The following POLN variants were observed in gnomAD, a reference collection of about 807,000 sequenced individuals.
The protein encoded by POLN is DNA polymerase N.
POLN carries 108 observed loss-of-function variants against 113.5 expected under a neutral mutation model. The observed-to-expected ratio is 0.95, with a 90% confidence interval of 0.81 to 1.12. The LOEUF (loss-of-function observed/expected upper bound fraction) is 1.12, where lower values mean the gene tolerates loss of function less well. Ranked by LOEUF, POLN falls within the 50% of genes most tolerant of loss-of-function variation. The pLI, the probability that POLN is intolerant of heterozygous loss-of-function variation, is 0.00. For synonymous variants in POLN, 386 were observed against 391.5 expected, an observed-to-expected ratio of 0.99 and a Z score of 0.17; for missense variants, 1,097 against 1,077.1, an observed-to-expected ratio of 1.02 and a Z score of -0.26.
At chr4:2,080,657 G>C in intron 23 of POLN, 1 of 1,305,166 alleles carries the variant, frequency 7.7e-7, no homozygotes, top group Non-Finnish European at 9.8e-7. Context: ...CTGCCTCTGG[G>C]GTGGGCAGCC....
At chr4:2,152,586 G>A in intron 16 of POLN, among the ~76,000 whole-genome samples, 1 of 150,446 alleles carries the variant, frequency 6.6e-6, no homozygotes. Context: ...TGTATTTTGT[G>A]CACTTTAAGC....
chr4:2,165,028 C>A (rs1017942318), intron 13 of POLN, among the ~76,000 whole-genome samples: 20 of 151,958 alleles, frequency 1.3e-4, no homozygotes, highest in African/African-American at 4.6e-4. Context: ...CGGTTTCTTA[C>A]AAAACTAAAT....
intron 7 of POLN, among the ~76,000 whole-genome samples, chr4:2,183,181 G>A (rs7666048): frequency 0.25 from 37,511 of 152,082 alleles, 7,143 homozygotes; most frequent in African/African-American, 0.52. Context: ...ATGTGGGGAA[G>A]TTACAGTGCT....
intron 5 of POLN, among the ~76,000 whole-genome samples, chr4:2,204,158 T>C (rs2108762259): frequency 6.8e-6 from 1 of 147,640 alleles, no homozygotes; most frequent in Admixed American, 6.7e-5. Context: ...AAAAGGCTGG[T>C]TCTTTGAAAA....
chr4:2,085,761 C>A lies in POLN; in HGVS notation c.2066-17G>T. On this transcript the variant is annotated splice_polypyrimidine_tract_variant and intron_variant, in intron 20 of 25. Coordinates refer to ENST00000511885, the MANE Select transcript of POLN (RefSeq NM_181808.4). ...GCTCCTTCCCTGTCAGTCAGAGAGA[C>A]GCATGTCAAAGCCTCACTCACACCA... 1.2e-6 allele frequency: 2 copies of A among 1,612,686 alleles called. No homozygotes were observed. Among genetic ancestry groups the A allele is most frequent in the Non-Finnish European group, 1.7e-6 (2 of 1,179,940 alleles).
chr4:2,197,431 G>T (rs369987360), intron 6 of POLN, among the ~76,000 whole-genome samples: 59 of 152,296 alleles, frequency 3.9e-4, no homozygotes, highest in African/African-American at 1.3e-3. Flanking sequence ...ATAACCCCAG[G>T]ACTTTTTGCC....
rs58532236 is a variant in POLN at position 2,241,145 on chromosome 4, T to C, written c.-13+375A>G. ...ACCACAAATATGACGACAGTGTTTT[T>C]AAAAAGAAGACACAGACAAATATCA... On this transcript the variant is annotated intron_variant, in intron 2 of 25. Coordinates refer to ENST00000511885, the MANE Select transcript of POLN (RefSeq NM_181808.4). 30,748 of 496,330 alleles carry C rather than the reference T, an allele frequency of 0.062. 1,393 individuals are homozygous for C. The highest frequency in any genetic ancestry group is 0.17 in the African/African-American group (8,250 of 49,390). 30.7% of individuals were successfully genotyped at this position (496,330 alleles called of 1,614,324 possible).
chr4:2,170,131 G>A (rs35436822), intron 13 of POLN, among the ~76,000 whole-genome samples: 1 of 152,320 alleles, frequency 6.6e-6, no homozygotes, highest in East Asian at 1.9e-4. Flanking sequence ...TCTCACCACA[G>A]TAACCAATAT....
intron 19 of POLN, among the ~76,000 whole-genome samples, chr4:2,096,451 T>C (rs1243888996): frequency 6.6e-6 from 1 of 152,112 alleles, no homozygotes; most frequent in Non-Finnish European, 1.5e-5. Flanking sequence ...CTGACTGGCA[T>C]GTGAACCACA....
intron 2 of POLN, chr4:2,240,697 A>G: frequency 6.2e-7 from 1 of 1,614,008 alleles, no homozygotes; most frequent in Non-Finnish European, 8.5e-7. Flanking sequence ...GAAGTTTTAC[A>G]CGTTTTAAGA....
At chr4:2,197,140 G>A (rs1457288245) in intron 6 of POLN, among the ~76,000 whole-genome samples, 1 of 152,202 alleles carries the variant, frequency 6.6e-6, no homozygotes, top group Non-Finnish European at 1.5e-5. Context: ...TCAGAGTGAA[G>A]CACGAGCTGT....
intron 19 of POLN, among the ~76,000 whole-genome samples, chr4:2,105,041 G>A (rs1316040347): frequency 1.3e-5 from 2 of 152,196 alleles, no homozygotes; most frequent in Admixed American, 1.3e-4. Context: ...CATCCCAACT[G>A]AGCCCCAGTC....
At chr4:2,214,912 C>CATGTATATATATGT (rs1734075687) in intron 3 of POLN, among the ~76,000 whole-genome samples, 1 of 151,326 alleles carries the variant, frequency 6.6e-6, no homozygotes, top group African/African-American at 2.4e-5. Context: ...TATGTATATA[C>CATGTATATATATGT]ATATACATAT....
chr4:2,098,688 ACTT>A (rs1354427394), intron 19 of POLN, among the ~76,000 whole-genome samples: 1 of 152,216 alleles, frequency 6.6e-6, no homozygotes, highest in African/African-American at 2.4e-5. Context: ...TGCATGCACA[ACTT>A]CTTGTTCTGT....
At chr4:2,073,490 C>G (rs1386130844) in intron 24 of POLN, among the ~76,000 whole-genome samples, 1 of 152,236 alleles carries the variant, frequency 6.6e-6, no homozygotes, top group East Asian at 1.9e-4. Context: ...CAAGAACCCC[C>G]CATCCCCACT....
In POLN at chr4:2,072,951, C is replaced by T; in HGVS notation, c.2517+17G>A. The stretch of plus-strand genomic sequence containing the variant: ...CCTGGGCTCCGGAAGACCGGGCAGG[C>T]TTAAGTGTCCCCTCACCTGAAGCTG... On this transcript the variant is annotated intron_variant, in intron 25 of 25. Coordinates refer to ENST00000511885, the MANE Select transcript of POLN (RefSeq NM_181808.4). 6.2e-7 allele frequency: 1 copy of T among 1,612,490 alleles called. No homozygotes were observed. Among genetic ancestry groups the T allele is most frequent in the Non-Finnish European group, 8.5e-7 (1 of 1,179,772 alleles).
chr4:2,156,167 A>G (rs565108843), intron 16 of POLN, among the ~76,000 whole-genome samples: 1 of 152,314 alleles, frequency 6.6e-6, no homozygotes, highest in African/African-American at 2.4e-5. Flanking sequence ...TGTGCTTAGC[A>G]AAAAGTGTGG....
chr4:2,191,779 G>A (rs1733447597), intron 7 of POLN, among the ~76,000 whole-genome samples: 1 of 152,140 alleles, frequency 6.6e-6, no homozygotes, highest in Non-Finnish European at 1.5e-5. Context: ...TGATGTTTGG[G>A]TTTTGCTACA....
At chr4:2,231,776 T>C in intron 2 of POLN, 1 of 540,502 alleles carries the variant, frequency 1.9e-6, no homozygotes, top group Non-Finnish European at 3.3e-6. Context: ...ATGTACTACA[T>C]GAGAAAAAAG....
Sources: gnomAD v4.1 joint callset for allele counts (sites outside exome capture counted in the v4.1 genomes callset) on GRCh38, gnomAD v4.1.1 for gene constraint, MANE v1.5 for transcripts, NCBI Gene and HGNC (gene_info 2026-07-23, HGNC 2026-07-21) for gene names.